The following BABAM2 variants were observed in gnomAD, a reference collection of about 807,000 sequenced individuals.
BABAM2 encodes BRISC and BRCA1-A complex member 2.
BABAM2 carries 31 observed loss-of-function variants against 54.7 expected under a neutral mutation model. That is an observed-to-expected ratio of 0.57 (90% CI 0.43 to 0.77). The LOEUF is 0.77. Ranked by LOEUF, BABAM2 falls within the 30% of genes least tolerant of loss-of-function variation. The pLI is 0.00. For missense variants in BABAM2, 364 were observed against 455.8 expected, an observed-to-expected ratio of 0.80 and a Z score of 1.83; for synonymous variants, 167 against 162.9, an observed-to-expected ratio of 1.03 and a Z score of -0.19.
At chr2:27,915,348 G>C (rs1666886331) in intron 2 of BABAM2, among the ~76,000 whole-genome samples, 1 of 152,160 alleles carries the variant, frequency 6.6e-6, no homozygotes, top group Non-Finnish European at 1.5e-5. Context: ...CTGTGTGCCA[G>C]GAACTGTTCT....
chr2:27,955,700 T>C (rs971002002), intron 3 of BABAM2, among the ~76,000 whole-genome samples: 1 of 152,222 alleles, frequency 6.6e-6, no homozygotes, highest in Non-Finnish European at 1.5e-5. Flanking sequence ...ATTTCTTCTC[T>C]GTGTTTTATT....
At chr2:27,976,975 C>G (rs1025559206) in intron 3 of BABAM2, among the ~76,000 whole-genome samples, 2 of 152,122 alleles carry the variant, frequency 1.3e-5, no homozygotes, top group Non-Finnish European at 2.9e-5. Flanking sequence ...ATCCTTTGTT[C>G]TACAGATTTT....
intron 7 of BABAM2, among the ~76,000 whole-genome samples, chr2:28,184,133 G>A (rs188892457): frequency 1.2e-4 from 19 of 152,134 alleles, no homozygotes; most frequent in Non-Finnish European, 2.2e-4. Flanking sequence ...CTGGCTTACC[G>A]TGAAAACTTT....
intron 7 of BABAM2, among the ~76,000 whole-genome samples, chr2:28,165,529 C>CTTTTTTTTTTTTTTTTT (rs1192641957): frequency 6.9e-5 from 5 of 72,254 alleles, no homozygotes; most frequent in Non-Finnish European, 1.2e-4. Flanking sequence ...TTTTTCCTTG[C>CTTTTTTTTTTTTTTTTT]TTTTTTTTTT....
intron 4 of BABAM2, among the ~76,000 whole-genome samples, chr2:27,998,312 A>T (rs908205416): frequency 6.6e-6 from 1 of 151,696 alleles, no homozygotes; most frequent in Non-Finnish European, 1.5e-5. Flanking sequence ...AAATATTAAT[A>T]ATAATTATTA....
At chr2:28,134,093 A>C (rs1670324897) in intron 7 of BABAM2, among the ~76,000 whole-genome samples, 1 of 151,902 alleles carries the variant, frequency 6.6e-6, no homozygotes, top group Admixed American at 6.6e-5. Context: ...TGAAATAAAC[A>C]TATTTCTGGC....
chr2:27,943,536 C>T (rs908905349), intron 3 of BABAM2, among the ~76,000 whole-genome samples: 1 of 152,190 alleles, frequency 6.6e-6, no homozygotes, highest in Non-Finnish European at 1.5e-5. Context: ...GCTCACAAAC[C>T]TGCCACTCTA....
At chr2:27,890,061 C>G (rs1185325382), upstream of BABAM2, 1 of 555,076 alleles carries the variant, frequency 1.8e-6, no homozygotes, top group Non-Finnish European at 3.2e-6. The surrounding 1 kb of genome is among the most constrained non-coding windows in gnomAD (Gnocchi z 4.8). Flanking sequence ...GTCCCCTCCC[C>G]TGAGATTTAC....
chr2:27,940,792 A>G (rs1350248862), intron 3 of BABAM2, among the ~76,000 whole-genome samples: 2 of 152,332 alleles, frequency 1.3e-5, no homozygotes, highest in South Asian at 2.1e-4. Context: ...GGCAGAAAGG[A>G]CAGCCAGGTT....
intron 10 of BABAM2, among the ~76,000 whole-genome samples, chr2:28,259,075 T>TC (rs1684260400): frequency 2.7e-5 from 1 of 36,990 alleles, no homozygotes; most frequent in Admixed American, 2.8e-4. Flanking sequence ...GCACCTGGCC[T>TC]TTTTTTTTTT....
At chr2:28,017,164 A>G (rs958217321) in intron 4 of BABAM2, among the ~76,000 whole-genome samples, 7 of 152,208 alleles carry the variant, frequency 4.6e-5, no homozygotes, top group Non-Finnish European at 1.0e-4. Flanking sequence ...GTTTTAGATG[A>G]TATATTAGAG....
At chr2:28,167,104 T>C (rs1362675198) in intron 7 of BABAM2, among the ~76,000 whole-genome samples, 1 of 152,186 alleles carries the variant, frequency 6.6e-6, no homozygotes, top group Non-Finnish European at 1.5e-5. Context: ...TTTTCAGGAA[T>C]TGACAGTTTT....
At chr2:28,094,346 C>T (rs1468590514) in intron 6 of BABAM2, among the ~76,000 whole-genome samples, 1 of 152,040 alleles carries the variant, frequency 6.6e-6, no homozygotes, top group Non-Finnish European at 1.5e-5. Context: ...GATTTTAATA[C>T]ATTTAAAGGG....
chr2:28,301,569 G>C (rs1447118225), intron 11 of BABAM2, among the ~76,000 whole-genome samples: 1 of 152,180 alleles, frequency 6.6e-6, no homozygotes, highest in African/African-American at 2.4e-5. Context: ...TTAACACTTG[G>C]AAGACCATGG....
chr2:28,332,673 C>T (rs1313659614), intron 11 of BABAM2, among the ~76,000 whole-genome samples: 2 of 152,164 alleles, frequency 1.3e-5, no homozygotes, highest in Non-Finnish European at 2.9e-5. Context: ...TCCTAAATAC[C>T]CTTCTAGGAA....
chr2:28,245,219 T>C (rs981650658), intron 10 of BABAM2, among the ~76,000 whole-genome samples: 1 of 152,278 alleles, frequency 6.6e-6, no homozygotes, highest in South Asian at 2.1e-4. Flanking sequence ...AATTATTGAA[T>C]GCAAAATCTC....
At chr2:28,010,228 G>A (rs568701866) in intron 4 of BABAM2, among the ~76,000 whole-genome samples, 1 of 152,020 alleles carries the variant, frequency 6.6e-6, no homozygotes, top group Admixed American at 6.6e-5. Flanking sequence ...ATCTAGGATG[G>A]GGAACATCTC....
chr2:28,190,080 G>A (rs1676737325), intron 7 of BABAM2, among the ~76,000 whole-genome samples: 1 of 152,130 alleles, frequency 6.6e-6, no homozygotes, highest in South Asian at 2.1e-4. Context: ...TGGAACAACT[G>A]GATAGCCATA....
At chr2:27,932,419 T>A (rs941220946) in intron 3 of BABAM2, among the ~76,000 whole-genome samples, 2 of 152,202 alleles carry the variant, frequency 1.3e-5, no homozygotes, top group African/African-American at 4.8e-5. Context: ...TATATTTTTG[T>A]TTATCATATT....
Sources: gnomAD v4.1 joint callset for allele counts (sites outside exome capture counted in the v4.1 genomes callset) on GRCh38, gnomAD v4.1.1 for gene constraint, Gnocchi (gnomAD v3.1) non-coding constraint, MANE v1.5 for transcripts, NCBI Gene and HGNC (gene_info 2026-07-23, HGNC 2026-07-21) for gene names.